Variants in PPIH observed in about 807,000 individuals in gnomAD.
The protein encoded by PPIH is peptidylprolyl isomerase H, also known as peptidyl-prolyl cis-trans isomerase H.
Under a neutral mutation model 27.6 loss-of-function variants are expected in PPIH, and 16 were observed. That is an observed-to-expected ratio of 0.58 (90% CI 0.39 to 0.88). PPIH has a LOEUF of 0.88. Ranked by LOEUF, PPIH falls within the 40% of genes least tolerant of loss-of-function variation. The probability of loss-of-function intolerance (pLI) is 0.00; values close to 1 mark genes in which losing one functional copy is unlikely to be tolerated. For synonymous variants in PPIH, 63 were observed against 76.1 expected, an observed-to-expected ratio of 0.83 and a Z score of 0.90; for missense variants, 155 against 224.1, an observed-to-expected ratio of 0.69 and a Z score of 1.97.
At position 42,666,558 on chromosome 1, in the gene PPIH, G is replaced by A; in HGVS notation, c.436G>A (p.Asp146Asn). The A allele has an allele frequency of 6.2e-7, 1 of 1,613,884 alleles. No individual in the cohort carries two copies. Among genetic ancestry groups the A allele is most frequent in the Non-Finnish European group, 8.5e-7 (1 of 1,179,868 alleles). The change falls in exon 8 of 10, where the codon GAT becomes AAT. Residue 146 changes from aspartate to asparagine, a missense_variant. By Grantham distance (23) the Asp-to-Asn change is conservative. This residue lies in a region of PPIH where 96 missense variants were observed against 175.3 expected (regional missense o/e 0.55). Transcript: ENST00000304979. ...TGCTCTTCCTACAGGAAAAATCATCGATGGACTTCTAGTGATGAGAAAGAT... is the reference window on the plus strand; with the variant it reads ...TGCTCTTCCTACAGGAAAAATCATCAATGGACTTCTAGTGATGAGAAAGAT... ...GKHVVFGKII[D>N]GLLVMRKIEN...
chr1:42,660,983 A>G lies in PPIH; in HGVS notation c.243+79A>G, dbSNP rs756495442. The G allele has an allele frequency of 2.2e-5, 28 of 1,295,326 alleles. No individual in the cohort carries two copies. In the African/African-American group the frequency reaches 3.4e-4, roughly 16 times the overall value. The allele number at this position is 1,295,326 out of a possible 1,614,324, so 80.2% of individuals were successfully genotyped here. A position where few individuals can be genotyped will look rare whatever the true frequency, so the allele number is the denominator to read the frequency against. ...TTGTTGCAATTGCTGTTTTTACTACAGAGACCCAGTCTTCAGGCTTGAGAA... is the reference window on the plus strand; with the variant it reads ...TTGTTGCAATTGCTGTTTTTACTACGGAGACCCAGTCTTCAGGCTTGAGAA... On this transcript the variant is annotated intron_variant, in intron 5 of 9. Transcript: ENST00000304979.
chr1:42,662,073 T>C (rs1448634241), intron 5 of PPIH, among the ~76,000 whole-genome samples: 2 of 152,180 alleles, frequency 1.3e-5, no homozygotes, highest in Non-Finnish European at 2.9e-5. Context: ...GTAGTAGGGT[T>C]TGTTAGCTGG....
downstream of PPIH, among the ~76,000 whole-genome samples, chr1:42,677,818 C>T (rs1423528826): frequency 6.6e-6 from 1 of 152,186 alleles, no homozygotes; most frequent in Non-Finnish European, 1.5e-5. Flanking sequence ...GAGTGAGACC[C>T]CATCTATTTT....
chr1:42,660,076 C>G (rs1648920897), intron 4 of PPIH, among the ~76,000 whole-genome samples: 1 of 152,146 alleles, frequency 6.6e-6, no homozygotes. Context: ...CAGTAAGACT[C>G]CTGTGAAGTG....
downstream of PPIH, among the ~76,000 whole-genome samples, chr1:42,677,226 C>T (rs1258661505): frequency 6.6e-6 from 1 of 152,206 alleles, no homozygotes; most frequent in Non-Finnish European, 1.5e-5. Context: ...GTAATCCCAG[C>T]ACTTGGGGAG....
Position 42,658,435 on chromosome 1 carries a change from C to T in PPIH, c.-12C>T, listed in dbSNP as rs1648771303. On this transcript the variant is annotated 5_prime_UTR_variant, in exon 1 of 10. Coordinates refer to ENST00000304979, the MANE Select transcript of PPIH (RefSeq NM_006347.4). ...ATCCCACGCTCCCGACTTCTGCTTC[C>T]GGGTCGGAGCCATGGCGGTGGCAAA... 16 of 1,613,078 alleles carry T rather than the reference C, an allele frequency of 9.9e-6. No homozygotes were observed. Among genetic ancestry groups the T allele is most frequent in the Non-Finnish European group, 1.4e-5 (16 of 1,179,010 alleles).
chr1:42,661,347 T>C (rs772820836), intron 5 of PPIH, among the ~76,000 whole-genome samples: 7 of 152,186 alleles, frequency 4.6e-5, no homozygotes, highest in Non-Finnish European at 8.8e-5. Flanking sequence ...CCTGGAAAGC[T>C]GAGTTTTTCA....
intron 9 of PPIH, among the ~76,000 whole-genome samples, chr1:42,673,762 G>A (rs138351138): frequency 5.9e-5 from 9 of 152,280 alleles, no homozygotes; most frequent in East Asian, 3.9e-4. Flanking sequence ...GAAAAAATAC[G>A]GAATTAGCAC....
At chr1:42,678,607 GC>G (rs1278268386), downstream of PPIH, 1 of 152,280 alleles carries the variant, frequency 6.6e-6, no homozygotes, top group Non-Finnish European at 1.5e-5. Context: ...CACTGTGTTA[GC>G]CAGGATGGTC....
At chr1:42,665,953 A>G (rs1176658407) in intron 6 of PPIH, 27 bp from the exon 7 acceptor site, 1 of 1,572,546 alleles carries the variant, frequency 6.4e-7, no homozygotes. Context: ...GGGGAAACTT[A>G]CTGCAGGTAT....
chr1:42,666,431 C>T (rs1649341301), intron 7 of PPIH, 116 bp from the exon 8 acceptor site: 1 of 1,062,558 alleles, frequency 9.4e-7, no homozygotes, highest in Admixed American at 1.8e-5. Flanking sequence ...TCTACCGCAT[C>T]TTAATTTCCT....
chr1:42,671,681 T>A (rs1649643875), intron 9 of PPIH, among the ~76,000 whole-genome samples: 1 of 152,118 alleles, frequency 6.6e-6, no homozygotes, highest in African/African-American at 2.4e-5. Flanking sequence ...TTACCAAAAA[T>A]CCCTCATAGG....
rs559206127 is a variant in PPIH, at chr1:42,659,111, G to A, written c.132-117G>A. Reference sequence around the variant, plus strand: ...AGTCTGTGTGACTGCGTGTCTGGACGTCTGGCTGGCCGATTGGTGGACTTG... The same window carrying A: ...AGTCTGTGTGACTGCGTGTCTGGACATCTGGCTGGCCGATTGGTGGACTTG... On this transcript the variant is annotated intron_variant, in intron 2 of 9. Transcript: ENST00000304979. 6.6e-6 allele frequency: 10 copies of A among 1,505,234 alleles called. No homozygotes were observed. The South Asian group carries it at 1.2e-4, about 19-fold the overall frequency. The allele number at this position is 1,505,234 out of a possible 1,614,324, so 93.2% of individuals were successfully genotyped here.
intron 4 of PPIH, 51 bp from the exon 5 acceptor site, chr1:42,660,811 T>C (rs1557510211): frequency 7.1e-7 from 1 of 1,417,584 alleles, no homozygotes; most frequent in African/African-American, 1.5e-5. Context: ...ACAACATCTA[T>C]GTTTTTCTAA....
chr1:42,671,425 C>A (rs1649630887), intron 9 of PPIH, among the ~76,000 whole-genome samples: 1 of 152,076 alleles, frequency 6.6e-6, no homozygotes, highest in Admixed American at 6.6e-5. Flanking sequence ...GAGACCCTGT[C>A]TCAAAAATAA....
At chr1:42,668,931 G>A (rs954201045) in intron 9 of PPIH, among the ~76,000 whole-genome samples, 7 of 151,916 alleles carry the variant, frequency 4.6e-5, no homozygotes, top group African/African-American at 1.5e-4. Context: ...AAAACAGCCC[G>A]GCAGGAGGTG....
At chr1:42,668,152 G>A (rs1649442480) in intron 9 of PPIH, among the ~76,000 whole-genome samples, 1 of 152,166 alleles carries the variant, frequency 6.6e-6, no homozygotes, top group Non-Finnish European at 1.5e-5. Context: ...TTCCAGCCAG[G>A]TGAGGGGTAG....
intron 7 of PPIH, 47 bp downstream of exon 7, chr1:42,666,114 T>A: frequency 6.5e-7 from 1 of 1,542,012 alleles, no homozygotes; most frequent in Non-Finnish European, 9.0e-7. Context: ...TCACCCTGGA[T>A]GGAACCTCCA....
At chr1:42,666,672 A>G (rs1649358956) in intron 8 of PPIH, 85 bp downstream of exon 8, 2 of 1,365,242 alleles carry the variant, frequency 1.5e-6, no homozygotes, top group Admixed American at 1.7e-5. Flanking sequence ...AGAAGGGGGA[A>G]TGAGCTCCAG....
Sources: allele counts gnomAD v4.1 joint callset (sites outside exome capture counted in the v4.1 genomes callset), GRCh38; gene constraint gnomAD v4.1.1; regional missense constraint gnomAD v4.1.1; transcripts MANE v1.5; gene names NCBI Gene and HGNC (gene_info 2026-07-23, HGNC 2026-07-21).